Variants in AFTPH observed in about 807,000 individuals in gnomAD.
AFTPH encodes aftiphilin protein.
In AFTPH, 7 loss-of-function variants were observed where a neutral mutation model predicts 72.5. The ratio of observed to expected loss-of-function variants is 0.10; its 90% confidence interval spans 0.05 to 0.18. AFTPH has a LOEUF of 0.18. AFTPH is among the 10% of genes least tolerant of loss of function. The pLI is 1.00. For synonymous variants in AFTPH, 337 were observed against 370.1 expected, an observed-to-expected ratio of 0.91 and a Z score of 1.03; for missense variants, 979 against 1,060.5, an observed-to-expected ratio of 0.92 and a Z score of 1.07.
chr2:64,570,920 C>T (rs1209482396), intron 5 of AFTPH, among the ~76,000 whole-genome samples: 1 of 123,988 alleles, frequency 8.1e-6, no homozygotes, highest in Non-Finnish European at 1.8e-5. Flanking sequence ...TCCCCTCCCC[C>T]CCCCCCCCAC....
At chr2:64,530,175 A>T (rs955140264) in intron 1 of AFTPH, among the ~76,000 whole-genome samples, 12 of 152,168 alleles carry the variant, frequency 7.9e-5, no homozygotes, top group African/African-American at 2.9e-4. Flanking sequence ...AAAAAAAAGC[A>T]AATCCCTCAC....
At chr2:64,542,878 G>T (rs1670342767) in intron 1 of AFTPH, among the ~76,000 whole-genome samples, 1 of 152,186 alleles carries the variant, frequency 6.6e-6, no homozygotes, top group Admixed American at 6.5e-5. Flanking sequence ...CACAGAGTTG[G>T]TGAAAGTTAA....
chr2:64,551,385 A>G, intron 1 of AFTPH, 58 bp from the exon 2 acceptor site: 1 of 1,341,650 alleles, frequency 7.5e-7, no homozygotes, highest in Admixed American at 2.5e-5. Flanking sequence ...GAGAATTTTG[A>G]AAGATCTTGT....
chr2:64,533,133 C>A (rs971337354), intron 1 of AFTPH, among the ~76,000 whole-genome samples: 2 of 152,086 alleles, frequency 1.3e-5, no homozygotes, highest in African/African-American at 4.8e-5. Context: ...TGTGGTGGCT[C>A]ATGCCTGTAA....
At chr2:64,536,973 A>G (rs80293254) in intron 1 of AFTPH, among the ~76,000 whole-genome samples, 224 of 133,352 alleles carry the variant, frequency 1.7e-3, no homozygotes, top group East Asian at 9.9e-3. Context: ...AAAAAAAAAA[A>G]AAGAAGAAGA....
chr2:64,565,474 C>CAA (rs11447048), intron 2 of AFTPH, among the ~76,000 whole-genome samples: 32,077 of 87,590 alleles, frequency 0.37, 5,031 homozygotes, highest in Non-Finnish European at 0.44. Flanking sequence ...GACTCTATCT[C>CAA]AAAAAAAAAA....
At chr2:64,553,327 C>T in exon 2 of AFTPH, 1 of 1,613,910 alleles carries the variant, frequency 6.2e-7, no homozygotes, top group Non-Finnish European at 8.5e-7. Flanking sequence ...CCAGGAACCC[C>T]CAAAACGCAC....
At chr2:64,572,063 A>G (rs1672467643) in intron 5 of AFTPH, among the ~76,000 whole-genome samples, 1 of 152,090 alleles carries the variant, frequency 6.6e-6, no homozygotes, top group Non-Finnish European at 1.5e-5. Context: ...TAAAAAAAAT[A>G]CAAAAAATTA....
chr2:64,535,951 A>G (rs1175737221), intron 1 of AFTPH, among the ~76,000 whole-genome samples: 1 of 152,234 alleles, frequency 6.6e-6, no homozygotes, highest in Non-Finnish European at 1.5e-5. Context: ...ATGTTAAAAC[A>G]AATACAGTAA....
chr2:64,582,239 G>A (rs1187522852), intron 7 of AFTPH, among the ~76,000 whole-genome samples: 1 of 152,126 alleles, frequency 6.6e-6, no homozygotes, highest in Non-Finnish European at 1.5e-5. Context: ...AGAATTCACT[G>A]GTTTTGTGCT....
chr2:64,590,346 A>T (rs1227306194), intron 8 of AFTPH, among the ~76,000 whole-genome samples: 1 of 152,196 alleles, frequency 6.6e-6, no homozygotes, highest in Admixed American at 6.5e-5. Flanking sequence ...ATTGGAAATT[A>T]TATCTAAAGG....
intron 7 of AFTPH, 97 bp downstream of exon 7, chr2:64,579,643 A>AACAT (rs1230827046): frequency 1.3e-5 from 14 of 1,104,462 alleles, no homozygotes; most frequent in Non-Finnish European, 1.7e-5. Flanking sequence ...TTTTTGTTTG[A>AACAT]ACATAACTTA....
chr2:64,535,502 CT>C (rs1353474578), intron 1 of AFTPH, among the ~76,000 whole-genome samples: 1 of 152,232 alleles, frequency 6.6e-6, no homozygotes, highest in Non-Finnish European at 1.5e-5. Flanking sequence ...TTGAGTCCCA[CT>C]TTCCTTACTT....
chr2:64,545,570 T>TAA (rs58124855), intron 1 of AFTPH, among the ~76,000 whole-genome samples: 242 of 24,194 alleles, frequency 0.01, 90 homozygotes, highest in Non-Finnish European at 0.023. Context: ...CCACCAGCAG[T>TAA]AAAAAAAAAA....
chr2:64,577,989 A>G (rs1326642517), intron 6 of AFTPH, among the ~76,000 whole-genome samples: 1 of 151,946 alleles, frequency 6.6e-6, no homozygotes, highest in Non-Finnish European at 1.5e-5. Flanking sequence ...CACCACCACC[A>G]TTAAGAACAC....
intron 1 of AFTPH, among the ~76,000 whole-genome samples, chr2:64,535,378 G>C (rs1373138404): frequency 6.6e-6 from 1 of 152,124 alleles, no homozygotes. Flanking sequence ...GAACCTATTA[G>C]GGGAAAAAAA....
intron 7 of AFTPH, among the ~76,000 whole-genome samples, chr2:64,583,406 G>T (rs1037227462): frequency 6.8e-6 from 1 of 148,044 alleles, no homozygotes; most frequent in African/African-American, 2.5e-5. Flanking sequence ...CATAGTTTTG[G>T]GGGGGGTTTT....
chr2:64,564,753 C>T (rs1346929047), intron 2 of AFTPH, among the ~76,000 whole-genome samples: 1 of 151,970 alleles, frequency 6.6e-6, no homozygotes, highest in Non-Finnish European at 1.5e-5. Flanking sequence ...TAAATTTGGC[C>T]TTATTTATTA....
At chr2:64,562,437 A>T (rs1396986359) in intron 2 of AFTPH, among the ~76,000 whole-genome samples, 1 of 151,986 alleles carries the variant, frequency 6.6e-6, no homozygotes, top group Middle Eastern at 3.2e-3. Context: ...CTGCCCTCAA[A>T]GCTCTTGCAA....
Sources: allele counts gnomAD v4.1 joint callset (sites outside exome capture counted in the v4.1 genomes callset), GRCh38; gene constraint gnomAD v4.1.1; transcripts MANE v1.5; gene names NCBI Gene and HGNC (gene_info 2026-07-23, HGNC 2026-07-21).